Variants in SLC13A2 observed in about 807,000 individuals in gnomAD.
SLC13A2 encodes Na(+)-coupled citrate transporter.
SLC13A2 carries 40 observed loss-of-function variants against 58.5 expected under a neutral mutation model. The ratio of observed to expected loss-of-function variants is 0.68; its 90% CI spans 0.53 to 0.89. The LOEUF (loss-of-function observed/expected upper bound fraction) is 0.89. Ranked by LOEUF, SLC13A2 falls within the 40% of genes least tolerant of loss-of-function variation. The pLI is 0.00. For missense variants in SLC13A2, 694 were observed against 772.6 expected (o/e 0.90, Z 1.21); for synonymous variants, 341 against 331.6 (o/e 1.03, Z -0.31).
In SLC13A2 at chr17:28,496,596, C is replaced by T. The variant is rs781838223; in HGVS notation, c.1608+9C>T. 3 of 1,608,220 alleles carry T rather than the reference C, an allele frequency of 1.9e-6. No individual in the cohort carries two copies. The East Asian group carries it at 6.7e-5, about 36-fold the overall frequency. ...TCAAAGTGTTGGATATGGTAAGTGG[C>T]AGGGAGGCCTGAATGCCTCATCCCT... On this transcript the variant is annotated intron_variant, in intron 11 of 11. Transcript: ENST00000314669. The surrounding 1 kb of genome is among the most constrained non-coding windows in gnomAD (Gnocchi z 4.2).
In SLC13A2 at chr17:28,496,397, TC is replaced by T. The variant is rs2069143861; in HGVS notation, c.1471-50del. 1 of 1,545,268 alleles carries T rather than the reference TC, an allele frequency of 6.5e-7. No homozygotes were observed. Among genetic ancestry groups the T allele is most frequent in the African/African-American group, 1.4e-5 (1 of 72,864 alleles). On this transcript the variant is annotated intron_variant, in intron 10 of 11. Transcript: ENST00000314669. The surrounding 1 kb of genome is among the most constrained non-coding windows in gnomAD (Gnocchi z 4.2). ...GCAGGAGAATTGGGGGCCATGCCCC[TC>T]CCTCTGGCTTGGGGACCAAGTTCAG... is the stretch of plus-strand genomic sequence containing the variant.
At chr17:28,491,354 C>A (rs1555603346) in intron 4 of SLC13A2, 83 bp from the exon 5 acceptor site, 4 of 1,478,376 alleles carry the variant, frequency 2.7e-6, no homozygotes, top group Admixed American at 1.8e-5. Flanking sequence ...AGACAAGGTA[C>A]CCTGGAGGGC....
chr17:28,493,274 C>A (rs530368308), intron 6 of SLC13A2, among the ~76,000 whole-genome samples: 1 of 152,234 alleles, frequency 6.6e-6, no homozygotes, highest in Admixed American at 6.5e-5. Context: ...AGGAAGAAGT[C>A]CCAGGGTCTG....
Position 28,477,526 on chromosome 17 carries a change from A to ATCC in SLC13A2, c.102+3713_102+3714insCCT, listed in dbSNP as rs2068709940. Reference sequence around the variant, plus strand: ...ACTTTTTGAATGAAGAAAGGAAGGAATGTGCACACAGTGGATCCTGACCTG... The same window carrying ATCC: ...ACTTTTTGAATGAAGAAAGGAAGGAATCCTGTGCACACAGTGGATCCTGACCTG... On this transcript the variant is annotated intron_variant, in intron 1 of 11. Coordinates refer to ENST00000314669, the MANE Select transcript of SLC13A2 (RefSeq NM_003984.4). Among the ~76,000 whole-genome samples the ATCC allele has an allele frequency of 2.0e-5, 3 of 151,946 alleles. No homozygotes were observed. In the East Asian group the frequency reaches 5.9e-4, roughly 30 times the overall value.
At chr17:28,490,009 C>A (rs1445611470) in intron 2 of SLC13A2, among the ~76,000 whole-genome samples, 2 of 152,212 alleles carry the variant, frequency 1.3e-5, no homozygotes, top group Non-Finnish European at 2.9e-5. Context: ...TGTGGTGGCT[C>A]ATGCCTGTAA....
intron 1 of SLC13A2, among the ~76,000 whole-genome samples, chr17:28,486,891 G>T (rs757815339): frequency 6.6e-6 from 1 of 151,236 alleles, no homozygotes; most frequent in African/African-American, 2.4e-5. Context: ...TCAACCTCCT[G>T]GGCTCAGGTG....
chr17:28,479,976 G>A (rs1430503064), intron 1 of SLC13A2, among the ~76,000 whole-genome samples: 8 of 152,076 alleles, frequency 5.3e-5, no homozygotes, highest in Non-Finnish European at 1.0e-4. Context: ...CCAAGATGGC[G>A]AAACCCCATC....
chr17:28,482,119 C>T (rs1174314180), intron 1 of SLC13A2, among the ~76,000 whole-genome samples: 4 of 152,102 alleles, frequency 2.6e-5, no homozygotes, highest in East Asian at 1.9e-4. Context: ...CGGGTGGTTC[C>T]GGTGATTCCC....
At chr17:28,478,248 C>G (rs2068726757) in intron 1 of SLC13A2, among the ~76,000 whole-genome samples, 1 of 152,162 alleles carries the variant, frequency 6.6e-6, no homozygotes, top group Admixed American at 6.6e-5. Context: ...GGTGCCCCCG[C>G]TGTGACCCAC....
intron 11 of SLC13A2, 34 bp from the exon 12 acceptor site, chr17:28,497,064 TC>T: frequency 6.2e-7 from 1 of 1,604,904 alleles, no homozygotes; most frequent in South Asian, 1.1e-5. Context: ...TCCAGCCCAG[TC>T]CCTGCTTAGC....
intron 1 of SLC13A2, 105 bp downstream of exon 1, chr17:28,473,919 C>A: frequency 5.5e-6 from 5 of 908,360 alleles, no homozygotes; most frequent in Non-Finnish European, 8.6e-6. Context: ...TCCTCACTGC[C>A]CCTGCCCTGG....
intron 1 of SLC13A2, among the ~76,000 whole-genome samples, chr17:28,488,393 T>TAA (rs2068928515): frequency 1.3e-5 from 2 of 152,076 alleles, no homozygotes; most frequent in African/African-American, 4.8e-5. Flanking sequence ...GGGATACGGG[T>TAA]GCCCTCTCCT....
chr17:28,479,628 T>C (rs2068748385), intron 1 of SLC13A2, among the ~76,000 whole-genome samples: 1 of 152,242 alleles, frequency 6.6e-6, no homozygotes, highest in Non-Finnish European at 1.5e-5. Flanking sequence ...CTGAAGTCAA[T>C]ATTGCATTTA....
chr17:28,493,422 C>T (rs782751617), intron 6 of SLC13A2, 149 bp from the exon 7 acceptor site: 31 of 629,664 alleles, frequency 4.9e-5, no homozygotes, highest in Non-Finnish European at 8.1e-5. Flanking sequence ...TCTGCTCCTC[C>T]TCCAGAACCT....
chr17:28,489,231 T>C lies in SLC13A2; in HGVS notation c.120T>C (p.Tyr40=), dbSNP rs1555602583. ...ACCTGCAGGAGGCCTACTGCGCGTA[T>C]GCCATCATCCTCATGGCGCTCTTCT... ...LVPSKEAYCA[Y]AIILMALFWC... The change falls in exon 2 of 12, where the codon TAT becomes TAC. Residue 40 remains tyrosine, a synonymous_variant. Transcript: ENST00000314669. 5 of 1,613,924 alleles carry C rather than the reference T, an allele frequency of 3.1e-6. No homozygotes were observed. Among genetic ancestry groups the C allele is most frequent in the Non-Finnish European group, 4.2e-6 (5 of 1,180,004 alleles).
intron 1 of SLC13A2, among the ~76,000 whole-genome samples, chr17:28,485,790 C>T (rs1555601864): frequency 6.6e-6 from 1 of 151,550 alleles, no homozygotes. Flanking sequence ...AATTCGAGAC[C>T]AGCCTGGGCA....
chr17:28,483,146 G>C (rs528179269), intron 1 of SLC13A2, among the ~76,000 whole-genome samples: 4 of 152,220 alleles, frequency 2.6e-5, no homozygotes, highest in Non-Finnish European at 4.4e-5. Context: ...CTGTGCCAGT[G>C]ACAGAGGCCA....
chr17:28,493,468 GA>G, intron 6 of SLC13A2, 102 bp from the exon 7 acceptor site: 7 of 935,408 alleles, frequency 7.5e-6, no homozygotes, highest in Non-Finnish European at 1.1e-5. Flanking sequence ...GTGACCCTGA[GA>G]TGCCCTCTGT....
chr17:28,491,831 A>T lies in SLC13A2; in HGVS notation c.857A>T (p.Gln286Leu). 1 of 1,614,150 alleles carries T rather than the reference A, an allele frequency of 6.2e-7. No homozygotes were observed. Among genetic ancestry groups the T allele is most frequent in the African/African-American group, 1.3e-5 (1 of 75,050 alleles). ...ILLLLAWLWL[Q>L]ILFLGFNFRK... ...CTGCTGCTGGCCTGGTTGTGGCTGC[A>T]GATCCTCTTCCTGGGCTTCAAGTAA... The change falls in exon 6 of 12, where the codon CAG (glutamine) becomes CTG (leucine). Residue 286 changes from glutamine (Q) to leucine (L), a missense_variant. By Grantham distance (113) the Gln-to-Leu change is moderately radical. Coordinates refer to ENST00000314669, the MANE Select transcript of SLC13A2 (RefSeq NM_003984.4).
Sources: allele counts gnomAD v4.1 joint callset (sites outside exome capture counted in the v4.1 genomes callset), GRCh38; gene constraint gnomAD v4.1.1; non-coding constraint Gnocchi (gnomAD v3.1); transcripts MANE v1.5; gene names NCBI Gene and HGNC (gene_info 2026-07-23, HGNC 2026-07-21).